Variants in PRKCE observed in about 807,000 individuals in gnomAD.
PRKCE encodes protein kinase C epsilon.
A neutral mutation model predicts 85.4 loss-of-function variants in PRKCE; 16 were observed. That is an observed-to-expected ratio of 0.19 (90% CI 0.13 to 0.28). PRKCE has a LOEUF of 0.28. Among genes scored for constraint, PRKCE ranks in the 10% least tolerant of loss-of-function variants. The probability of loss-of-function intolerance (pLI) is 1.00; values close to 1 mark genes in which losing one functional copy is unlikely to be tolerated. For missense variants in PRKCE, 573 were observed against 975.2 expected (o/e 0.59, Z 5.49); for synonymous variants, 388 against 371.5 (o/e 1.04, Z -0.51).
chr2:45,909,745 G>T (rs1355333005), intron 2 of PRKCE, among the ~76,000 whole-genome samples: 1 of 152,238 alleles, frequency 6.6e-6, no homozygotes, highest in African/African-American at 2.4e-5. Context: ...GAGTCAGTGA[G>T]TCAGTGCTTC....
intron 1 of PRKCE, among the ~76,000 whole-genome samples, chr2:45,744,173 G>T (rs958145423): frequency 2.6e-5 from 4 of 152,156 alleles, no homozygotes; most frequent in African/African-American, 9.7e-5. Context: ...CCTGTTGTTT[G>T]TCATGAGACA....
chr2:45,711,776 G>T (rs1490028582), intron 1 of PRKCE, among the ~76,000 whole-genome samples: 1 of 151,976 alleles, frequency 6.6e-6, no homozygotes, highest in East Asian at 1.9e-4. Flanking sequence ...AGTCATGCGC[G>T]ACCATGCCCA....
intron 8 of PRKCE, among the ~76,000 whole-genome samples, chr2:46,006,010 C>T (rs1705161586): frequency 1.3e-5 from 2 of 152,130 alleles, no homozygotes; most frequent in African/African-American, 4.8e-5. Flanking sequence ...AGGCCTGGCT[C>T]CTGCCCTGCA....
rs574739675 is a variant in PRKCE, at chr2:45,906,558, T to A, written c.412+63495T>A. On this transcript the variant is annotated intron_variant, in intron 2 of 14. Coordinates refer to ENST00000306156, the MANE Select transcript of PRKCE (RefSeq NM_005400.3). ...GGTTTCCAGTGTCTCCCCAAACACC[T>A]TTCCTCTGGTTTTGAGCATGGGCCT... Among the ~76,000 whole-genome samples, 3 of 152,246 alleles carry A rather than the reference T, an allele frequency of 2.0e-5. No individual in the cohort carries two copies. In the South Asian group the frequency reaches 6.2e-4, roughly 32 times the overall value.
At chr2:46,032,980 A>C (rs1707633270) in intron 10 of PRKCE, among the ~76,000 whole-genome samples, 2 of 152,158 alleles carry the variant, frequency 1.3e-5, no homozygotes, top group South Asian at 4.1e-4. Context: ...TGGTGCTTCT[A>C]AAGGTCAGGG....
chr2:46,162,283 A>T (rs980510925), intron 14 of PRKCE, among the ~76,000 whole-genome samples: 1 of 152,124 alleles, frequency 6.6e-6, no homozygotes, highest in Non-Finnish European at 1.5e-5. Flanking sequence ...CCCCCTTGGG[A>T]CTAAAGAGCC....
chr2:45,686,904 T>C (rs934373455), intron 1 of PRKCE, among the ~76,000 whole-genome samples: 9 of 152,120 alleles, frequency 5.9e-5, no homozygotes, highest in African/African-American at 2.2e-4. Context: ...TTGGGACAAC[T>C]GGGTGGCCTT....
At chr2:46,008,645 C>A (rs1408042279) in intron 9 of PRKCE, among the ~76,000 whole-genome samples, 1 of 152,154 alleles carries the variant, frequency 6.6e-6, no homozygotes, top group Admixed American at 6.5e-5. Flanking sequence ...TCTCACCTGC[C>A]CCTATCTCAC....
intron 14 of PRKCE, among the ~76,000 whole-genome samples, chr2:46,177,081 T>C (rs1574675462): frequency 6.6e-6 from 1 of 151,996 alleles, no homozygotes; most frequent in East Asian, 1.9e-4. Context: ...TGTCCCAAAA[T>C]AAGAAGAAAT....
At chr2:45,745,662 G>A (rs74379044) in intron 1 of PRKCE, among the ~76,000 whole-genome samples, 2,006 of 152,164 alleles carry the variant, frequency 0.013, 41 homozygotes, top group African/African-American at 0.046. Context: ...GGCATCTGGC[G>A]GCTAATGAGA....
intron 1 of PRKCE, among the ~76,000 whole-genome samples, chr2:45,842,641 G>C (rs112987602): frequency 9.9e-5 from 15 of 152,160 alleles, no homozygotes; most frequent in African/African-American, 3.4e-4. Flanking sequence ...TCTTTGTTGC[G>C]AGGGGTCATC....
chr2:45,719,872 C>G (rs1037513991), intron 1 of PRKCE, among the ~76,000 whole-genome samples: 16 of 152,116 alleles, frequency 1.1e-4, no homozygotes, highest in African/African-American at 3.9e-4. Context: ...TTACAGTGAG[C>G]TATGATCTAG....
chr2:46,179,003 G>A (rs756353254), intron 14 of PRKCE, among the ~76,000 whole-genome samples: 1 of 152,134 alleles, frequency 6.6e-6, no homozygotes. Context: ...CGTAGAGACA[G>A]CATGTCTCAG....
At chr2:46,006,665 A>T (rs1475983947) in intron 8 of PRKCE, among the ~76,000 whole-genome samples, 1 of 152,222 alleles carries the variant, frequency 6.6e-6, no homozygotes, top group Non-Finnish European at 1.5e-5. Context: ...GTCTTGATGA[A>T]TGAGTTGCTA....
chr2:46,167,158 G>A (rs543849980), intron 14 of PRKCE, among the ~76,000 whole-genome samples: 4 of 152,290 alleles, frequency 2.6e-5, no homozygotes, highest in African/African-American at 9.6e-5. Flanking sequence ...CAGGAGGTTG[G>A]TGTGATGTTT....
intron 10 of PRKCE, among the ~76,000 whole-genome samples, chr2:46,020,899 G>T (rs1051222516): frequency 6.6e-6 from 1 of 152,244 alleles, no homozygotes; most frequent in African/African-American, 2.4e-5. Flanking sequence ...TTGTTTAAAA[G>T]CTGATTTCAT....
intron 2 of PRKCE, among the ~76,000 whole-genome samples, chr2:45,889,731 C>G (rs548029113): frequency 6.6e-6 from 1 of 152,280 alleles, no homozygotes; most frequent in South Asian, 2.1e-4. Context: ...GAATTATGAG[C>G]GTGCTTGTGG....
chr2:46,164,910 G>A (rs780873172), intron 14 of PRKCE: 12 of 152,186 alleles, frequency 7.9e-5, no homozygotes, highest in African/African-American at 1.9e-4. Flanking sequence ...AGGAAGCCTC[G>A]CCCCTCTGAA....
At chr2:45,787,476 C>T (rs1002131554) in intron 1 of PRKCE, among the ~76,000 whole-genome samples, 2 of 152,076 alleles carry the variant, frequency 1.3e-5, no homozygotes, top group East Asian at 3.9e-4. Context: ...GCAGGTGCGT[C>T]TGGGGAGGGG....
Sources: allele counts gnomAD v4.1 joint callset (sites outside exome capture counted in the v4.1 genomes callset), GRCh38; gene constraint gnomAD v4.1.1; transcripts MANE v1.5; gene names NCBI Gene and HGNC (gene_info 2026-07-23, HGNC 2026-07-21).